CORO1C: variants seen among roughly 807,000 people sequenced by gnomAD.
The protein encoded by CORO1C is coronin-1C.
CORO1C carries 14 observed loss-of-function variants against 51.2 expected under a neutral mutation model. The observed-to-expected ratio is 0.27, with a 90% CI of 0.18 to 0.43. The LOEUF is 0.43. Ranked by LOEUF, CORO1C falls within the 20% of genes least tolerant of loss-of-function variation. The pLI is 1.00. For missense variants in CORO1C, 417 were observed against 607.8 expected, an observed-to-expected ratio of 0.69 and a Z score of 3.30; for synonymous variants, 181 against 210.5, an observed-to-expected ratio of 0.86 and a Z score of 1.21.
chr12:108,651,650 C>CGTTT (rs2032662813), intron 8 of CORO1C, among the ~76,000 whole-genome samples: 2 of 152,170 alleles, frequency 1.3e-5, no homozygotes, highest in Non-Finnish European at 2.9e-5. Flanking sequence ...GGAACGCTGA[C>CGTTT]CATGGCCTCA....
chr12:108,689,836 G>A (rs922954015), intron 2 of CORO1C, among the ~76,000 whole-genome samples: 30 of 152,134 alleles, frequency 2.0e-4, no homozygotes, highest in African/African-American at 7.0e-4. Context: ...GGCTTTGGGT[G>A]ATACATACTG....
chr12:108,645,438 A>G lies in CORO1C; in HGVS notation c.*1965T>C, dbSNP rs1209192359. 1 of 152,152 alleles carries G rather than the reference A, an allele frequency of 6.6e-6. No homozygotes were observed. The highest frequency in any genetic ancestry group is 1.5e-5 in the Non-Finnish European group (1 of 68,026). The allele number at this position is 152,152 out of a possible 1,614,324, so 9.4% of individuals were successfully genotyped here. A position where few individuals can be genotyped will look rare whatever the true frequency, so the allele number is the denominator to read the frequency against. ...TCAACAACTTTACTTCATTAATTCGATATCAGAACCTTAAAACACTACTGA... is the reference window on the plus strand; with the variant it reads ...TCAACAACTTTACTTCATTAATTCGGTATCAGAACCTTAAAACACTACTGA... On this transcript the variant is annotated 3_prime_UTR_variant, in exon 11 of 11. Transcript: ENST00000261401.
intron 1 of CORO1C, among the ~76,000 whole-genome samples, chr12:108,724,852 G>A (rs879922881): frequency 1.3e-5 from 2 of 152,102 alleles, no homozygotes; most frequent in Admixed American, 1.3e-4. Flanking sequence ...TGCAGCAAAC[G>A]GGAGGAACTG....
chr12:108,727,435 T>C (rs2035619427), intron 1 of CORO1C, among the ~76,000 whole-genome samples: 1 of 152,146 alleles, frequency 6.6e-6, no homozygotes, highest in African/African-American at 2.4e-5. Context: ...GCACTAGAGA[T>C]GAAGACATTG....
At chr12:108,656,001 G>T (rs912765044) in intron 6 of CORO1C, among the ~76,000 whole-genome samples, 1 of 151,454 alleles carries the variant, frequency 6.6e-6, no homozygotes, top group Non-Finnish European at 1.5e-5. Flanking sequence ...CGCCCCGTCT[G>T]GGATGTGAGG....
In CORO1C at chr12:108,645,575, T is replaced by C. The variant is rs1181369751; in HGVS notation, c.*1828A>G. 6.6e-6 allele frequency: 1 copy of C among 152,226 alleles called. No homozygotes were observed. Among genetic ancestry groups the C allele is most frequent in the Non-Finnish European group, 1.5e-5 (1 of 68,042 alleles). 9.4% of individuals were successfully genotyped at this position (152,226 alleles called of 1,614,324 possible). The stretch of plus-strand genomic sequence containing the variant: ...TTACATCTCATGATCCACTTCAATA[T>C]TAAACACATACATACACACACACAA... On this transcript the variant is annotated 3_prime_UTR_variant, in exon 11 of 11. Transcript: ENST00000261401.
At chr12:108,684,138 C>T (rs2034219225) in intron 2 of CORO1C, among the ~76,000 whole-genome samples, 1 of 152,094 alleles carries the variant, frequency 6.6e-6, no homozygotes, top group Non-Finnish European at 1.5e-5. Flanking sequence ...GCAAATTACA[C>T]AAGCAGAGAA....
intron 2 of CORO1C, among the ~76,000 whole-genome samples, chr12:108,688,228 C>T (rs1240864845): frequency 6.6e-6 from 1 of 152,040 alleles, no homozygotes; most frequent in Admixed American, 6.6e-5. Flanking sequence ...TCTTATTTAT[C>T]GATCTCACAT....
At chr12:108,691,916 C>T (rs1228826752) in intron 2 of CORO1C, among the ~76,000 whole-genome samples, 1 of 152,168 alleles carries the variant, frequency 6.6e-6, no homozygotes, top group Non-Finnish European at 1.5e-5. Flanking sequence ...TCAAAAATAG[C>T]CCCGGGGTAC....
chr12:108,708,726 T>A (rs2035098057), intron 1 of CORO1C, among the ~76,000 whole-genome samples: 1 of 152,174 alleles, frequency 6.6e-6, no homozygotes, highest in South Asian at 2.1e-4. Context: ...CCTCCCAAAG[T>A]GCTGGGATTA....
chr12:108,678,849 C>T (rs145400562), intron 2 of CORO1C, among the ~76,000 whole-genome samples: 66 of 151,688 alleles, frequency 4.4e-4, no homozygotes, highest in African/African-American at 1.4e-3. Context: ...AGGCCGGGCG[C>T]GGTGGCTCAC....
At chr12:108,699,865 A>G (rs1021133688) in intron 2 of CORO1C, among the ~76,000 whole-genome samples, 2 of 152,212 alleles carry the variant, frequency 1.3e-5, no homozygotes, top group African/African-American at 4.8e-5. Flanking sequence ...TGTTCCCCAA[A>G]GGCACCCATC....
Position 108,658,817 on chromosome 12 carries a change from C to T in CORO1C, c.551G>A (p.Arg184Gln), listed in dbSNP as rs771989893. ...AGCTGTGCAGATCAGACTGCCATTC[C>T]GGTTCCAGCTCACATTGTAAATCAT... ...SDMIYNVSWNRNGSLICTASK... is the reference protein window; with the variant it reads ...SDMIYNVSWNQNGSLICTASK... Residue 184 changes from arginine to glutamine, a missense_variant, in exon 5 of 11, where the codon CGG becomes CAG. Coordinates refer to ENST00000261401, the MANE Select transcript of CORO1C (RefSeq NM_014325.4). The surrounding 1 kb of genome is among the most constrained non-coding windows in gnomAD (Gnocchi z 4.9). The T allele has an allele frequency of 1.4e-5, 23 of 1,613,674 alleles. No homozygotes were observed. The highest frequency in any genetic ancestry group is 8.0e-5 in the African/African-American group (6 of 74,920).
At chr12:108,718,024 T>A (rs2035381921) in intron 1 of CORO1C, among the ~76,000 whole-genome samples, 1 of 151,906 alleles carries the variant, frequency 6.6e-6, no homozygotes, top group Non-Finnish European at 1.5e-5. Context: ...TCAAGACCAG[T>A]CTGGCCAATA....
chr12:108,679,125 A>AT (rs2034025697), intron 2 of CORO1C, among the ~76,000 whole-genome samples: 1 of 148,390 alleles, frequency 6.7e-6, no homozygotes, highest in African/African-American at 2.5e-5. Context: ...AAAAAAAAAA[A>AT]AAAAGAAACA....
At chr12:108,655,438 C>G (rs1056711449) in intron 6 of CORO1C, among the ~76,000 whole-genome samples, 18 of 151,212 alleles carry the variant, frequency 1.2e-4, no homozygotes, top group African/African-American at 3.2e-4. Flanking sequence ...GATGCCGAGC[C>G]GAAGCTGGAC....
At chr12:108,701,896 G>C (rs922416148) in intron 1 of CORO1C, 2 of 162,934 alleles carry the variant, frequency 1.2e-5, no homozygotes, top group Non-Finnish European at 2.7e-5. Context: ...AAAAGACACA[G>C]CCATCACCCT....
chr12:108,698,411 C>CT (rs923439618), intron 2 of CORO1C, among the ~76,000 whole-genome samples: 1 of 152,092 alleles, frequency 6.6e-6, no homozygotes, highest in Admixed American at 6.6e-5. Flanking sequence ...CAGAAAATAA[C>CT]TTTTTTTTCT....
At chr12:108,681,615 A>G (rs1166516649) in intron 2 of CORO1C, among the ~76,000 whole-genome samples, 1 of 152,202 alleles carries the variant, frequency 6.6e-6, no homozygotes. Flanking sequence ...ACTATCATTC[A>G]AGAATGATGA....
Sources: gnomAD v4.1 joint callset for allele counts (sites outside exome capture counted in the v4.1 genomes callset) on GRCh38, gnomAD v4.1.1 for gene constraint, Gnocchi (gnomAD v3.1) non-coding constraint, MANE v1.5 for transcripts, NCBI Gene and HGNC (gene_info 2026-07-23, HGNC 2026-07-21) for gene names.